The following ISG20L2 variants were observed in gnomAD, a reference collection of about 807,000 sequenced individuals.
ISG20L2 encodes the protein interferon stimulated exonuclease gene 20 like 2, also known as interferon-stimulated 20 kDa exonuclease-like 2.
Under a neutral mutation model 27.8 loss-of-function variants are expected in ISG20L2, and 14 were observed. That is an observed-to-expected ratio of 0.50 (90% CI 0.33 to 0.79). ISG20L2 has a LOEUF of 0.79. Ranked by LOEUF, ISG20L2 falls within the 30% of genes least tolerant of loss-of-function variation. The pLI is 0.02. For missense variants in ISG20L2, 393 were observed against 435.1 expected, an observed-to-expected ratio of 0.90 and a Z score of 0.86; for synonymous variants, 157 against 165.7, an observed-to-expected ratio of 0.95 and a Z score of 0.40.
At chr1:156,724,638 C>T (rs1392523696) in intron 2 of ISG20L2, 37 of 1,154,832 alleles carry the variant, frequency 3.2e-5, no homozygotes, top group Non-Finnish European at 3.6e-5. Flanking sequence ...CTAAATGACA[C>T]TCATGTTTGA....
At position 156,728,514 on chromosome 1, in the gene ISG20L2, C is replaced by A. The variant is rs1378602936; in HGVS notation, c.-217G>T. 1.0e-6 allele frequency: 1 copy of A among 985,634 alleles called. No homozygotes were observed. The highest frequency in any genetic ancestry group is 1.2e-6 in the Non-Finnish European group (1 of 829,940). 61.1% of individuals were successfully genotyped at this position (985,634 alleles called of 1,614,324 possible). On this transcript the variant is annotated 5_prime_UTR_variant, in exon 1 of 4. Transcript: ENST00000368219. ...GGGAAGGCAGGCGCGCGGGTTAGAA[C>A]GCGCCAGAGGTCGGCGCGCGCACAC...
intron 2 of ISG20L2, 122 bp downstream of exon 2, chr1:156,726,784 T>C (rs1648785658): frequency 6.7e-7 from 1 of 1,485,004 alleles, no homozygotes; most frequent in South Asian, 1.4e-5. Flanking sequence ...CAACAACTGA[T>C]AGATTCTCCT....
chr1:156,724,125 C>CG, intron 3 of ISG20L2, 23 bp downstream of exon 3: 1 of 1,589,594 alleles, frequency 6.3e-7, no homozygotes, highest in Non-Finnish European at 8.6e-7. Flanking sequence ...AAGATGGGGG[C>CG]GGGGGATGTG....
chr1:156,723,690 T>C (rs898988193), intron 3 of ISG20L2: 3 of 985,408 alleles, frequency 3.0e-6, no homozygotes. Flanking sequence ...TGTGGCAGTA[T>C]GTATAAGCCA....
At position 156,727,647 on chromosome 1, in the gene ISG20L2, A is replaced by T. The variant is rs745597918; in HGVS notation, c.6T>A (p.Ser2=). Reference sequence around the variant, plus strand: ...CAAAATCCAGATTGAGCAGTAAAGTAGACATAGGGACAATGGAAGGCGGAA... The same window carrying T: ...CAAAATCCAGATTGAGCAGTAAAGTTGACATAGGGACAATGGAAGGCGGAA... M[S]TLLLNLDFGE... The change falls in exon 2 of 4, where the codon TCT becomes TCA. Residue 2 remains serine, a synonymous_variant. Transcript: ENST00000368219. 6.2e-7 allele frequency: 1 copy of T among 1,611,714 alleles called. No homozygotes were observed. The highest frequency in any genetic ancestry group is 8.5e-7 in the Non-Finnish European group (1 of 1,179,318).
chr1:156,727,886 G>A (rs1455410062), intron 1 of ISG20L2, 117 bp from the exon 2 acceptor site: 4 of 1,289,770 alleles, frequency 3.1e-6, no homozygotes, highest in Non-Finnish European at 3.9e-6. Context: ...CTCAGACAGA[G>A]GGGAAATGAA....
At position 156,724,366 on chromosome 1, in the gene ISG20L2, A is replaced by T. The variant is rs780089819; in HGVS notation, c.748-18T>A. On this transcript the variant is annotated intron_variant, in intron 2 of 3. Transcript: ENST00000368219. ...TTCAAGATCTGGAAGAAGTGTGGGA[A>T]GAGAGTGGTGAGAAGGAAGACTGAA... is the stretch of plus-strand genomic sequence containing the variant. 2.5e-6 allele frequency: 4 copies of T among 1,595,762 alleles called. No individual in the cohort carries two copies. Among genetic ancestry groups the T allele is most frequent in the Admixed American group, 1.7e-5 (1 of 59,500 alleles).
Position 156,727,044 on chromosome 1 carries a change from A to G in ISG20L2, c.609T>C (p.Ile203=), listed in dbSNP as rs948586523. 5 of 1,614,210 alleles carry G rather than the reference A, an allele frequency of 3.1e-6. No homozygotes were observed. In the East Asian group the frequency reaches 1.1e-4, roughly 36 times the overall value. Residue 203 remains isoleucine, a synonymous_variant, in exon 2 of 4, where the codon ATT becomes ATC. Transcript: ENST00000368219. ...AAAGCACATCTCCGTTGTAGTTGAC[A>G]ATGCTACATCGAGCCAAGGAACTAA... is the stretch of plus-strand genomic sequence containing the variant. ...GHVSSLARCS[I]VNYNGDVLYD... is the part of the protein sequence containing the mutation.
chr1:156,724,768 A>G (rs1648681323), intron 2 of ISG20L2: 1 of 814,388 alleles, frequency 1.2e-6, no homozygotes, highest in Admixed American at 5.8e-5. Context: ...CAAAAGCCCA[A>G]AATTACATGC....
rs767984344 is a variant in ISG20L2, at chr1:156,727,274, G to C, written c.379C>G (p.Pro127Ala). Residue 127 changes from proline (P) to alanine (A), a missense_variant, in exon 2 of 4, where the codon CCA becomes GCA. Pro to Ala is a conservative substitution (Grantham distance 27, BLOSUM62 -1). Around this residue, in one of 3 missense-constraint regions of ISG20L2, gnomAD observed 183 missense variants for 168.2 expected, o/e 1.09. Transcript: ENST00000368219. ...CGGGTTGGGTGGCTATTGATCTTTG[G>C]AAGGGCACTCTGGAACTCCCCCAGC... ...DLLGEFQSAL[P>A]KINSHPTRSQ... is the part of the protein sequence containing the mutation. The C allele has an allele frequency of 1.1e-4, 173 of 1,613,988 alleles. No homozygotes were observed. The highest frequency in any genetic ancestry group is 1.4e-4 in the Non-Finnish European group (166 of 1,180,026).
At chr1:156,727,840 G>A in intron 1 of ISG20L2, 71 bp from the exon 2 acceptor site, 2 of 1,405,470 alleles carry the variant, frequency 1.4e-6, no homozygotes, top group South Asian at 1.7e-5. Flanking sequence ...CTCGATCTCC[G>A]TAGGACTTAT....
Position 156,722,250 on chromosome 1 carries a change from C to T in ISG20L2, c.*1099G>A, listed in dbSNP as rs530139549. On this transcript the variant is annotated 3_prime_UTR_variant, in exon 4 of 4. Transcript: ENST00000368219. Reference sequence around the variant, plus strand: ...GCAGACTCTGTGACATGGAAAGGGACCACACAATTTTAATTTTTTTTTTTT... The same window carrying T: ...GCAGACTCTGTGACATGGAAAGGGATCACACAATTTTAATTTTTTTTTTTT... The T allele has an allele frequency of 6.6e-6, 1 of 151,412 alleles. No homozygotes were observed. The allele number at this position is 151,412 out of a possible 1,614,324, so 9.4% of individuals were successfully genotyped here.
Position 156,727,982 on chromosome 1 carries a change from C to T in ISG20L2, c.-117-213G>A, listed in dbSNP as rs969700273. 2.8e-5 allele frequency: 30 copies of T among 1,090,452 alleles called. 1 individual carries two copies. The highest frequency in any genetic ancestry group is 8.2e-5 in the African/African-American group (5 of 61,080). 67.5% of individuals were successfully genotyped at this position (1,090,452 alleles called of 1,614,324 possible). A position where few individuals can be genotyped will look rare whatever the true frequency, so the allele number is the denominator to read the frequency against. Reference sequence around the variant, plus strand: ...AAGCCCAATTCACCAGCCATTTGGTCTTAGTAAGGTCATTACCGCGCTCTA... The same window carrying T: ...AAGCCCAATTCACCAGCCATTTGGTTTTAGTAAGGTCATTACCGCGCTCTA... On this transcript the variant is annotated intron_variant, in intron 1 of 3. Transcript: ENST00000368219.
chr1:156,721,925 A>C lies in ISG20L2; in HGVS notation c.*1424T>G, dbSNP rs1648558330. ...CATTATAAAAATTTATCAAGGGAAT[A>C]ATTTGAGTTTTTAGAGGCTTGGTTT... On this transcript the variant is annotated 3_prime_UTR_variant, in exon 4 of 4. Coordinates refer to ENST00000368219, the MANE Select transcript of ISG20L2 (RefSeq NM_001370150.2). 1 of 152,256 alleles carries C rather than the reference A, an allele frequency of 6.6e-6. No homozygotes were observed. 9.4% of individuals were successfully genotyped at this position (152,256 alleles called of 1,614,324 possible). A position where few individuals can be genotyped will look rare whatever the true frequency, so the allele number is the denominator to read the frequency against.
rs1044618288 is a variant in ISG20L2 at position 156,728,668 on chromosome 1, C to A, written c.-371G>T. 1.4e-5 allele frequency: 14 copies of A among 987,318 alleles called. No individual in the cohort carries two copies. The East Asian group carries it at 1.1e-3, about 80-fold the overall frequency. 61.2% of individuals were successfully genotyped at this position (987,318 alleles called of 1,614,324 possible). ...ATGCGCTCCCCGGCCCCTCTAGCCCCGTGGTGGTACAACGCGAAGGTGTGG... is the reference window on the plus strand; with the variant it reads ...ATGCGCTCCCCGGCCCCTCTAGCCCAGTGGTGGTACAACGCGAAGGTGTGG... On this transcript the variant is annotated 5_prime_UTR_variant, in exon 1 of 4. Transcript: ENST00000368219.
chr1:156,728,316 C>T, intron 1 of ISG20L2, 99 bp downstream of exon 1: 1 of 985,806 alleles, frequency 1.0e-6, no homozygotes. Flanking sequence ...ACACCATCTA[C>T]CAGCGCGGGG....
intron 3 of ISG20L2, 75 bp from the exon 4 acceptor site, chr1:156,723,537 C>A: frequency 6.3e-7 from 1 of 1,584,872 alleles, no homozygotes; most frequent in Admixed American, 1.8e-5. Context: ...TCTCTGTACT[C>A]CTCTTCCCCC....
rs1648815486 is a variant in ISG20L2 at position 156,727,145 on chromosome 1, C to T, written c.508G>A (p.Gly170Arg). 6.2e-7 allele frequency: 1 copy of T among 1,614,086 alleles called. No homozygotes were observed. Among genetic ancestry groups the T allele is most frequent in the Non-Finnish European group, 8.5e-7 (1 of 1,180,026 alleles). The change falls in exon 2 of 4, where the codon GGA becomes AGA. Residue 170 changes from glycine (G) to arginine (R), a missense_variant. Transcript: ENST00000368219. ...TTCCGTGGCAACTTCTGGGATGCTC[C>T]GGAGCATTTATTCTCTGAATGAGCT... ...TQAHSENKCS[G>R]ASQKLPRKMV...
Position 156,724,190 on chromosome 1 carries a change from A to T in ISG20L2, c.906T>A (p.Ser302=). The change falls in exon 3 of 4, where the codon TCT becomes TCA. Residue 302 remains serine (S), a synonymous_variant. Transcript: ENST00000368219. ...GCAGCTTCTTGGTGAGATGCTTCAG[A>T]GACATGGTGGCATTCTCCGGGCAGT... ...KADCPENATM[S]LKHLTKKLLN... 1 of 1,612,636 alleles carries T rather than the reference A, an allele frequency of 6.2e-7. No homozygotes were observed. The highest frequency in any genetic ancestry group is 8.5e-7 in the Non-Finnish European group (1 of 1,179,696).
Sources: gnomAD v4.1 joint callset for allele counts on GRCh38, gnomAD v4.1.1 for gene constraint, gnomAD v4.1.1 regional missense constraint, MANE v1.5 for transcripts, NCBI Gene and HGNC (gene_info 2026-07-23, HGNC 2026-07-21) for gene names.